The following KIF11 variants were observed in gnomAD, a reference collection of about 807,000 sequenced individuals.
KIF11 encodes the protein kinesin-like protein KIF11.
KIF11 carries 9 observed loss-of-function variants against 121.0 expected under a neutral mutation model. That is an observed-to-expected ratio of 0.07 (90% CI 0.04 to 0.13). KIF11 has a LOEUF of 0.13. Among genes scored for constraint, KIF11 ranks in the 10% least tolerant of loss-of-function variants. KIF11 has a pLI of 1.00. For synonymous variants in KIF11, 408 were observed against 421.0 expected, an observed-to-expected ratio of 0.97 and a Z score of 0.38; for missense variants, 846 against 1,217.5, an observed-to-expected ratio of 0.69 and a Z score of 4.54.
In KIF11 at chr10:92,633,669, A is replaced by G. The variant is rs1038795553; in HGVS notation, c.1749A>G (p.Thr583=). The change falls in exon 14 of 22, where the codon ACA becomes ACG. Residue 583 remains threonine (T), a synonymous_variant. Coordinates refer to ENST00000260731, the MANE Select transcript of KIF11 (RefSeq NM_004523.4). ...TCTCTGCATTAGATACCATTACTAC[A>G]GTAGCACTTGGATCTCTCACATCTA... is the stretch of plus-strand genomic sequence containing the variant. ...SSVSALDTIT[T]VALGSLTSIP... is the part of the protein sequence containing the mutation. 2 of 1,607,810 alleles carry G rather than the reference A, an allele frequency of 1.2e-6. No homozygotes were observed. Among genetic ancestry groups the G allele is most frequent in the African/African-American group, 1.3e-5 (1 of 74,810 alleles).
chr10:92,639,719 G>A, intron 16 of KIF11, 75 bp from the exon 17 acceptor site: 1 of 775,780 alleles, frequency 1.3e-6, no homozygotes, highest in Admixed American at 2.2e-5. Context: ...AATACTTCTT[G>A]TTTTGTTATC....
At chr10:92,633,991 T>C (rs754597917) in intron 14 of KIF11, among the ~76,000 whole-genome samples, 196 bp downstream of exon 14, 85 of 152,126 alleles carry the variant, frequency 5.6e-4, no homozygotes, top group Admixed American at 1.1e-3. Flanking sequence ...TTGTTTTGTT[T>C]TGTTTGTTTG....
Position 92,631,578 on chromosome 10 carries a change from G to A in KIF11, c.1495-908G>A, listed in dbSNP as rs1231256311. On this transcript the variant is annotated intron_variant, in intron 12 of 21. Transcript: ENST00000260731. ...GGGTTTCACCTTGTTAGCCAGGATG[G>A]TCTCGATCTCCTGACCTCATGATCC... Among the ~76,000 whole-genome samples the A allele has an allele frequency of 2.0e-5, 3 of 149,996 alleles. No individual in the cohort carries two copies. In the South Asian group the frequency reaches 6.3e-4, roughly 32 times the overall value.
At chr10:92,611,089 A>C (rs1287706451) in intron 6 of KIF11, among the ~76,000 whole-genome samples, 1 of 152,134 alleles carries the variant, frequency 6.6e-6, no homozygotes, top group Non-Finnish European at 1.5e-5. Flanking sequence ...GACAAAGAGG[A>C]GAAGCTAATT....
At position 92,593,169 on chromosome 10, in the gene KIF11, G is replaced by A. The variant is rs1485075212; in HGVS notation, c.-207G>A. ...CGGGCGGAGACGAGATTAGTGATTT[G>A]GCGGCTCCGACTGGCGCGGGACAAA... On this transcript the variant is annotated 5_prime_UTR_variant, in exon 1 of 22. Transcript: ENST00000260731. 1 of 528,232 alleles carries A rather than the reference G, an allele frequency of 1.9e-6. No homozygotes were observed. The highest frequency in any genetic ancestry group is 3.4e-6 in the Non-Finnish European group (1 of 292,222). 32.7% of individuals were successfully genotyped at this position (528,232 alleles called of 1,614,324 possible). A position where few individuals can be genotyped will look rare whatever the true frequency, so the allele number is the denominator to read the frequency against.
chr10:92,650,670 A>G (rs1436037596), intron 21 of KIF11, among the ~76,000 whole-genome samples, 153 bp downstream of exon 21: 1 of 152,196 alleles, frequency 6.6e-6, no homozygotes, highest in Non-Finnish European at 1.5e-5. Flanking sequence ...ATTATTTACA[A>G]AAATCTGATA....
intron 6 of KIF11, 73 bp downstream of exon 6, chr10:92,609,582 T>C: frequency 2.0e-6 from 3 of 1,480,478 alleles, no homozygotes; most frequent in Middle Eastern, 3.6e-4. Context: ...GAAAGTCAAA[T>C]TGGGGTGGGT....
intron 12 of KIF11, among the ~76,000 whole-genome samples, chr10:92,632,137 T>TA (rs1341973221): frequency 6.6e-6 from 1 of 152,136 alleles, no homozygotes; most frequent in Non-Finnish European, 1.5e-5. Flanking sequence ...TAGCATGAGT[T>TA]AAAGCATTTC....
At chr10:92,608,447 T>G (rs1019306084) in intron 4 of KIF11, among the ~76,000 whole-genome samples, 1 of 111,300 alleles carries the variant, frequency 9.0e-6, no homozygotes, top group African/African-American at 6.8e-5. Flanking sequence ...GAACTTGGCG[T>G]TTTTTTTTTG....
intron 1 of KIF11, among the ~76,000 whole-genome samples, chr10:92,597,873 TCTC>T (rs1165837429): frequency 6.6e-6 from 1 of 151,938 alleles, no homozygotes; most frequent in Non-Finnish European, 1.5e-5. Context: ...CTGGTCTTGA[TCTC>T]CTGATCTCAG....
intron 1 of KIF11, among the ~76,000 whole-genome samples, chr10:92,600,672 A>G (rs899573797): frequency 1.3e-5 from 2 of 150,716 alleles, no homozygotes; most frequent in African/African-American, 4.9e-5. Flanking sequence ...TGCCTAGCTA[A>G]GTTTTTGTAG....
At chr10:92,637,100 A>G (rs1844811634) in intron 14 of KIF11, 84 bp from the exon 15 acceptor site, 1 of 1,041,700 alleles carries the variant, frequency 9.6e-7, no homozygotes, top group African/African-American at 1.7e-5. Context: ...TTTAGCTACC[A>G]AAGTATTTAA....
chr10:92,635,296 T>C (rs2135917961), intron 14 of KIF11, among the ~76,000 whole-genome samples: 1 of 152,338 alleles, frequency 6.6e-6, no homozygotes, highest in Admixed American at 6.5e-5. Flanking sequence ...TACTAACTTT[T>C]CAAATATTGA....
chr10:92,653,904 C>A lies in KIF11; in HGVS notation c.*108C>A. On this transcript the variant is annotated 3_prime_UTR_variant, in exon 22 of 22. Transcript: ENST00000260731. Reference sequence around the variant, plus strand: ...GATTTTAAAAGAATATATATATCAGCCGGGCGCGGTGGCTCATGCCTGTAA... The same window carrying A: ...GATTTTAAAAGAATATATATATCAGACGGGCGCGGTGGCTCATGCCTGTAA... 2.0e-6 allele frequency: 2 copies of A among 989,466 alleles called. No individual in the cohort carries two copies. Among genetic ancestry groups the A allele is most frequent in the Non-Finnish European group, 2.9e-6 (2 of 688,444 alleles). 61.3% of individuals were successfully genotyped at this position (989,466 alleles called of 1,614,324 possible). A position where few individuals can be genotyped will look rare whatever the true frequency, so the allele number is the denominator to read the frequency against.
intron 10 of KIF11, among the ~76,000 whole-genome samples, chr10:92,622,165 T>G (rs2135910226): frequency 6.6e-6 from 1 of 152,154 alleles, no homozygotes; most frequent in Admixed American, 6.6e-5. Flanking sequence ...TCATAGCTAC[T>G]CCAGAGGCTG....
chr10:92,630,372 C>T lies in KIF11; in HGVS notation c.1494+8C>T, dbSNP rs1486133986. The T allele has an allele frequency of 4.6e-6, 7 of 1,535,204 alleles. No homozygotes were observed. In the Middle Eastern group the frequency reaches 1.2e-3, roughly 267 times the overall value. On this transcript the variant is annotated splice_region_variant and intron_variant, in intron 12 of 21. Transcript: ENST00000260731. Reference sequence around the variant, plus strand: ...CATGATGCTGCCAGCAAGGTTTGTCCCTTGTGTTGATTTGTACTCATATTA... The same window carrying T: ...CATGATGCTGCCAGCAAGGTTTGTCTCTTGTGTTGATTTGTACTCATATTA...
At chr10:92,622,470 C>T (rs1172999008) in intron 10 of KIF11, among the ~76,000 whole-genome samples, 2 of 151,600 alleles carry the variant, frequency 1.3e-5, no homozygotes, top group Non-Finnish European at 2.9e-5. Flanking sequence ...CTAAAATTAG[C>T]CAGGCATGGT....
At chr10:92,610,041 CT>C (rs1564705610) in intron 6 of KIF11, among the ~76,000 whole-genome samples, 1 of 152,224 alleles carries the variant, frequency 6.6e-6, no homozygotes, top group African/African-American at 2.4e-5. Flanking sequence ...CCGGCCTAAA[CT>C]TTTTTAAAGT....
rs1374951067 is a variant in KIF11, at chr10:92,593,225, G to C, written c.-151G>C. 1.5e-6 allele frequency: 1 copy of C among 677,912 alleles called. No homozygotes were observed. Among genetic ancestry groups the C allele is most frequent in the Non-Finnish European group, 2.5e-6 (1 of 397,094 alleles). 42.0% of individuals were successfully genotyped at this position (677,912 alleles called of 1,614,324 possible). ...CGGCCAGAGTACCGGGTAGAGAGCG[G>C]GGACGCCGACCTGCGTGCGTCGGTC... On this transcript the variant is annotated 5_prime_UTR_variant, in exon 1 of 22. Coordinates refer to ENST00000260731, the MANE Select transcript of KIF11 (RefSeq NM_004523.4).
Sources: gnomAD v4.1 joint callset for allele counts (sites outside exome capture counted in the v4.1 genomes callset) on GRCh38, gnomAD v4.1.1 for gene constraint, MANE v1.5 for transcripts, NCBI Gene and HGNC (gene_info 2026-07-23, HGNC 2026-07-21) for gene names.